The following EHBP1 variants were observed in gnomAD, a reference collection of about 807,000 sequenced individuals.
EHBP1 encodes the protein EH domain binding protein 1.
EHBP1 carries 55 observed loss-of-function variants against 144.0 expected under a neutral mutation model. That is an observed-to-expected ratio of 0.38 (90% confidence interval 0.31 to 0.48). The LOEUF is 0.48. Among genes scored for constraint, EHBP1 ranks in the 20% least tolerant of loss-of-function variants. EHBP1 has a pLI of 0.98. For missense variants in EHBP1, 1,200 were observed against 1,364.2 expected, an observed-to-expected ratio of 0.88 and a Z score of 1.90; for synonymous variants, 469 against 472.7, an observed-to-expected ratio of 0.99 and a Z score of 0.10.
chr2:62,855,140 C>T (rs1474761860), intron 7 of EHBP1, among the ~76,000 whole-genome samples: 1 of 152,208 alleles, frequency 6.6e-6, no homozygotes, highest in African/African-American at 2.4e-5. Flanking sequence ...GGAAGGCTTC[C>T]CCTGCCCTCT....
At chr2:62,764,813 A>G (rs918072027) in intron 4 of EHBP1, among the ~76,000 whole-genome samples, 3 of 152,118 alleles carry the variant, frequency 2.0e-5, no homozygotes, top group African/African-American at 7.2e-5. Context: ...ATTAGTATTT[A>G]TAAGTGTTGC....
At chr2:62,826,672 C>T (rs1327104509) in intron 6 of EHBP1, 2 of 153,150 alleles carry the variant, frequency 1.3e-5, no homozygotes, top group Admixed American at 6.5e-5. Flanking sequence ...TAAGGGAACT[C>T]TTGCCAAATC....
intron 8 of EHBP1, among the ~76,000 whole-genome samples, chr2:62,863,949 C>A (rs1404292546): frequency 7.0e-6 from 1 of 142,166 alleles, no homozygotes; most frequent in African/African-American, 2.6e-5. Context: ...TGGATTCAGG[C>A]GATTCTCCTG....
chr2:62,688,588 T>C (rs1401663048), intron 1 of EHBP1, among the ~76,000 whole-genome samples: 2 of 152,298 alleles, frequency 1.3e-5, no homozygotes, highest in Admixed American at 1.3e-4. Flanking sequence ...TTAGTTGTAA[T>C]GTTGTATCCT....
At chr2:62,963,915 C>T (rs2058116777) in intron 14 of EHBP1, among the ~76,000 whole-genome samples, 1 of 152,132 alleles carries the variant, frequency 6.6e-6, no homozygotes, top group African/African-American at 2.4e-5. Flanking sequence ...CCATTTCAGA[C>T]CAGTGAGACA....
At position 62,780,546 on chromosome 2, in the gene EHBP1, C is replaced by G. The variant is rs974709781; in HGVS notation, c.312+9154C>G. 2.0e-5 allele frequency among the ~76,000 whole-genome samples: 3 copies of G among 151,978 alleles called. No homozygotes were observed. In the East Asian group the frequency reaches 5.8e-4, roughly 29 times the overall value. On this transcript the variant is annotated intron_variant, in intron 5 of 22. Transcript: ENST00000431489. Reference sequence around the variant, plus strand: ...TTCAGAAATTTTTCAGATTGTGCTTCTAGAGGAAAAATCCCATCTCCTTTA... The same window carrying G: ...TTCAGAAATTTTTCAGATTGTGCTTGTAGAGGAAAAATCCCATCTCCTTTA...
At position 63,045,213 on chromosome 2, in the gene EHBP1, G is replaced by T; in HGVS notation, c.3392+33G>T. Reference sequence around the variant, plus strand: ...GGCAGTGGGGTCGGGTCGAGGCTGGGCCACCTGCCGAGGGGCCGAGAAGTG... The same window carrying T: ...GGCAGTGGGGTCGGGTCGAGGCTGGTCCACCTGCCGAGGGGCCGAGAAGTG... On this transcript the variant is annotated intron_variant, in intron 22 of 22. Transcript: ENST00000431489. This position sits in a 1 kb window ranked among gnomAD's most constrained non-coding sequence, Gnocchi z 5.7. 1 of 1,539,668 alleles carries T rather than the reference G, an allele frequency of 6.5e-7. No individual in the cohort carries two copies. The highest frequency in any genetic ancestry group is 8.8e-7 in the Non-Finnish European group (1 of 1,133,602).
chr2:63,016,264 T>C (rs981959908), intron 19 of EHBP1, among the ~76,000 whole-genome samples: 1 of 152,204 alleles, frequency 6.6e-6, no homozygotes, highest in Admixed American at 6.5e-5. Flanking sequence ...TATGGTGTTA[T>C]AGTTCTGTTT....
At chr2:62,811,655 C>A (rs1360323726) in intron 5 of EHBP1, among the ~76,000 whole-genome samples, 1 of 152,032 alleles carries the variant, frequency 6.6e-6, no homozygotes. Flanking sequence ...GTGAAAAGTA[C>A]CCACAAACAA....
At chr2:62,707,344 C>G in intron 2 of EHBP1, 49 bp downstream of exon 2, 2 of 1,385,750 alleles carry the variant, frequency 1.4e-6, no homozygotes, top group South Asian at 1.2e-5. Flanking sequence ...CCTAAGCATA[C>G]TGTGGCCTAA....
intron 2 of EHBP1, among the ~76,000 whole-genome samples, chr2:62,736,346 C>T (rs1233575182): frequency 2.0e-5 from 3 of 151,256 alleles, no homozygotes; most frequent in African/African-American, 7.3e-5. Context: ...GCCTCAGCCT[C>T]CTGAGTAGCT....
At chr2:62,718,115 C>G (rs1418600725) in intron 2 of EHBP1, among the ~76,000 whole-genome samples, 1 of 152,166 alleles carries the variant, frequency 6.6e-6, no homozygotes, top group Non-Finnish European at 1.5e-5. Flanking sequence ...ACAAAAGACT[C>G]AGAACCACTG....
intron 10 of EHBP1, among the ~76,000 whole-genome samples, chr2:62,886,445 A>G (rs1171639363): frequency 6.6e-6 from 1 of 152,184 alleles, no homozygotes; most frequent in African/African-American, 2.4e-5. Flanking sequence ...TTACTGTCAT[A>G]CCCTGTTCCT....
At chr2:62,969,956 C>T (rs565097374) in intron 14 of EHBP1, among the ~76,000 whole-genome samples, 1 of 152,248 alleles carries the variant, frequency 6.6e-6, no homozygotes, top group East Asian at 1.9e-4. Flanking sequence ...AGGAGCTGAT[C>T]AAGCTGGCAG....
chr2:62,822,694 C>A (rs771190960), intron 5 of EHBP1, among the ~76,000 whole-genome samples: 1 of 152,056 alleles, frequency 6.6e-6, no homozygotes, highest in Non-Finnish European at 1.5e-5. Context: ...AGAGAGTTTG[C>A]ATTGTTTCAC....
At chr2:62,675,686 A>T (rs1156476637) in intron 1 of EHBP1, among the ~76,000 whole-genome samples, 1 of 152,178 alleles carries the variant, frequency 6.6e-6, no homozygotes, top group Non-Finnish European at 1.5e-5. Context: ...ACATAGAAGG[A>T]AGAACCCATG....
chr2:62,916,720 TATA>T lies in EHBP1; in HGVS notation c.1186-25995_1186-25993del, dbSNP rs777051586. Among the ~76,000 whole-genome samples the T allele has an allele frequency of 8.8e-4, 132 of 149,828 alleles. 2 individuals carry two copies. The highest frequency in any genetic ancestry group is 3.0e-5 in the Non-Finnish European group (2 of 67,542). On this transcript the variant is annotated intron_variant, in intron 10 of 22. Coordinates refer to ENST00000431489, the MANE Select transcript of EHBP1 (RefSeq NM_001142616.3). The stretch of plus-strand genomic sequence containing the variant: ...ATATATATTTATATATAAATAATTT[TATA>T]ATGTGTGTATTATATATCATCAAAA...
At chr2:63,032,566 CAAAAA>C (rs35237077) in intron 19 of EHBP1, among the ~76,000 whole-genome samples, 8 of 28,284 alleles carry the variant, frequency 2.8e-4, no homozygotes, top group South Asian at 1.3e-3. Context: ...GACTCTGTCT[CAAAAA>C]AAAAAAAAAA....
At chr2:62,879,847 A>G (rs2051244844) in intron 10 of EHBP1, among the ~76,000 whole-genome samples, 1 of 151,740 alleles carries the variant, frequency 6.6e-6, no homozygotes, top group Non-Finnish European at 1.5e-5. Context: ...CAAAATTAGA[A>G]AAAAAAAACT....
Sources: gnomAD v4.1 joint callset for allele counts (sites outside exome capture counted in the v4.1 genomes callset) on GRCh38, gnomAD v4.1.1 for gene constraint, Gnocchi (gnomAD v3.1) non-coding constraint, MANE v1.5 for transcripts, NCBI Gene and HGNC (gene_info 2026-07-23, HGNC 2026-07-21) for gene names.